The following PCCA variants were observed in gnomAD, a reference collection of about 807,000 sequenced individuals.
The protein encoded by PCCA is propionyl-CoA carboxylase alpha chain, mitochondrial.
Under a neutral mutation model 101.3 loss-of-function variants are expected in PCCA, and 74 were observed. The ratio of observed to expected loss-of-function variants is 0.73; its 90% CI spans 0.61 to 0.89. The LOEUF (loss-of-function observed/expected upper bound fraction) is 0.89. Among genes scored for constraint, PCCA ranks in the 40% least tolerant of loss-of-function variants. The pLI, the probability that PCCA is intolerant of heterozygous loss-of-function variation, is 0.00. For synonymous variants in PCCA, 294 were observed against 313.6 expected (o/e 0.94, Z 0.66); for missense variants, 891 against 907.0 (o/e 0.98, Z 0.23).
At chr13:100,303,145 T>G (rs554768942) in intron 14 of PCCA, 147 bp downstream of exon 14, 17 of 705,618 alleles carry the variant, frequency 2.4e-5, no homozygotes, top group African/African-American at 2.3e-4. Context: ...TGAAAACAAA[T>G]TTTTTTCAGT....
At chr13:100,224,319 C>T (rs1248451857) in intron 7 of PCCA, among the ~76,000 whole-genome samples, 1 of 152,234 alleles carries the variant, frequency 6.6e-6, no homozygotes, top group Admixed American at 6.5e-5. Flanking sequence ...TGCCCGGGGC[C>T]GGCAGGGCCA....
chr13:100,503,211 C>A (rs2085808360), intron 21 of PCCA, among the ~76,000 whole-genome samples: 1 of 152,238 alleles, frequency 6.6e-6, no homozygotes, highest in Non-Finnish European at 1.5e-5. Flanking sequence ...TTCTTTCTGG[C>A]CGGGCGCAGT....
At chr13:100,526,773 T>G (rs922875896) in intron 22 of PCCA, among the ~76,000 whole-genome samples, 13 of 152,372 alleles carry the variant, frequency 8.5e-5, no homozygotes, top group Admixed American at 6.5e-4. Flanking sequence ...AGCATGGTTT[T>G]CAGCTGCAGC....
intron 17 of PCCA, among the ~76,000 whole-genome samples, chr13:100,335,965 T>C (rs934309755): frequency 3.5e-4 from 53 of 152,096 alleles, no homozygotes; most frequent in African/African-American, 1.2e-3. Flanking sequence ...ATCTGCATTA[T>C]TTAATACAAC....
chr13:100,154,999 T>G lies in PCCA; in HGVS notation c.321T>G (p.Asp107Glu). ...DASSVHVKMA[D>E]EAVCVGPAPT... The stretch of plus-strand genomic sequence containing the variant: ...CTCAGGTTCATGTGAAAATGGCGGA[T>G]GAGGCTGTCTGTGTTGGCCCAGCTC... The change falls in exon 5 of 24, where the codon GAT becomes GAG. Residue 107 changes from aspartate (D) to glutamate (E), a missense_variant. Transcript: ENST00000376285. 1.2e-6 allele frequency: 2 copies of G among 1,613,928 alleles called. No individual in the cohort carries two copies. The highest frequency in any genetic ancestry group is 1.7e-6 in the Non-Finnish European group (2 of 1,179,810).
chr13:100,400,627 G>GTTTTTTTTT lies in PCCA; in HGVS notation c.1747-25004_1747-25003insTTTTTTTTT, dbSNP rs763331038. Among the ~76,000 whole-genome samples the GTTTTTTTTT allele has an allele frequency of 3.5e-3, 278 of 80,076 alleles. 22 individuals carry two copies. The highest frequency in any genetic ancestry group is 8.4e-3 in the East Asian group (24 of 2,844). 52.5% of individuals were successfully genotyped at this position (80,076 alleles called of 152,430 possible). A position where few individuals can be genotyped will look rare whatever the true frequency, so the allele number is the denominator to read the frequency against. ...TGATGATTGATCTTAGTTCTTTTTA[G>GTTTTTTTTT]TTCTTTTTTTTTTTTTTTTTGAGAG... On this transcript the variant is annotated intron_variant, in intron 19 of 23. Transcript: ENST00000376285.
rs1566975623 is a variant in PCCA at position 100,348,733 on chromosome 13, TTTCTTTC to T, written c.1643+8477_1643+8483del. On this transcript the variant is annotated intron_variant, in intron 18 of 23. Coordinates refer to ENST00000376285, the MANE Select transcript of PCCA (RefSeq NM_000282.4). Reference sequence around the variant, plus strand: ...TTTACTTTCCGTTTTTTTTCCTTTCTTTCTTTCTTTCTTTCTTTCTTTCTTTCTTTCT... The same window carrying T: ...TTTACTTTCCGTTTTTTTTCCTTTCTTTTCTTTCTTTCTTTCTTTCTTTCT... 4.4e-3 allele frequency among the ~76,000 whole-genome samples: 342 copies of T among 77,068 alleles called. 23 individuals carry two copies. The highest frequency in any genetic ancestry group is 0.012 in the Middle Eastern group (2 of 168). The allele number at this position is 77,068 out of a possible 152,430, so 50.6% of individuals were successfully genotyped here.
rs377383520 is a variant in PCCA at position 100,436,990 on chromosome 13, A to G, written c.1845+11259A>G. ...TGCCCACAGAGGCGCTTTGCTCACC[A>G]AGCATGGTTCTTTCCTGTTGGCCTC... On this transcript the variant is annotated intron_variant, in intron 20 of 23. Coordinates refer to ENST00000376285, the MANE Select transcript of PCCA (RefSeq NM_000282.4). Among the ~76,000 whole-genome samples the G allele has an allele frequency of 3.9e-5, 6 of 152,224 alleles. No homozygotes were observed. In the East Asian group the frequency reaches 5.8e-4, roughly 15 times the overall value.
rs200311920 is a variant in PCCA at position 100,273,227 on chromosome 13, A to G, written c.946A>G (p.Met316Val). Residue 316 changes from methionine (M) to valine (V), a missense_variant, in exon 12 of 24, where the codon ATG (methionine) becomes GTG (valine). Transcript: ENST00000376285. ...TTTGGATGCGGAGACTCGAAGAGCG[A>G]TGGGAGAACAAGCTGTAGCTCTTGC... ...IFLDAETRRA[M>V]GEQAVALARA... 3 of 1,613,080 alleles carry G rather than the reference A, an allele frequency of 1.9e-6. No individual in the cohort carries two copies. Among genetic ancestry groups the G allele is most frequent in the Admixed American group, 3.3e-5 (2 of 60,020 alleles).
At position 100,508,715 on chromosome 13, in the gene PCCA, G is replaced by T. The variant is rs142150669; in HGVS notation, c.1900-6712G>T. The stretch of plus-strand genomic sequence containing the variant: ...TGGCTGCAGGCTGTAAGGCTCTAGT[G>T]TAAAAAGGTCTAAACAAGTGATTAA... On this transcript the variant is annotated intron_variant, in intron 21 of 23. Coordinates refer to ENST00000376285, the MANE Select transcript of PCCA (RefSeq NM_000282.4). Among the ~76,000 whole-genome samples, 908 of 152,298 alleles carry T rather than the reference G, an allele frequency of 6.0e-3. 4 individuals are homozygous for T. Among genetic ancestry groups the T allele is most frequent in the African/African-American group, 0.02 (847 of 41,564 alleles).
intron 1 of PCCA, among the ~76,000 whole-genome samples, chr13:100,094,609 G>T (rs2046598583): frequency 6.6e-6 from 1 of 152,078 alleles, no homozygotes; most frequent in Non-Finnish European, 1.5e-5. Flanking sequence ...GTTTGTTTTT[G>T]AGATAGAGTC....
chr13:100,279,490 T>A (rs940096969), intron 12 of PCCA, among the ~76,000 whole-genome samples: 5 of 152,162 alleles, frequency 3.3e-5, no homozygotes, highest in Non-Finnish European at 7.4e-5. Context: ...AATTTGTTTT[T>A]TTTTGAGACG....
chr13:100,431,953 G>A (rs1329958918), intron 20 of PCCA, among the ~76,000 whole-genome samples: 1 of 152,066 alleles, frequency 6.6e-6, no homozygotes. Flanking sequence ...ACTTTGGGAG[G>A]CCGAGGCGGG....
At chr13:100,100,099 C>T (rs1287658799) in intron 1 of PCCA, among the ~76,000 whole-genome samples, 2 of 152,084 alleles carry the variant, frequency 1.3e-5, no homozygotes, top group African/African-American at 4.8e-5. Context: ...TCATTTGATC[C>T]TTTTAATAAC....
chr13:100,497,041 C>A (rs2085327111), intron 21 of PCCA, among the ~76,000 whole-genome samples: 1 of 152,208 alleles, frequency 6.6e-6, no homozygotes, highest in South Asian at 2.1e-4. Context: ...AAAGGCTGTG[C>A]TCCTTGTTCC....
intron 6 of PCCA, among the ~76,000 whole-genome samples, chr13:100,191,254 A>T (rs2057721908): frequency 6.6e-6 from 1 of 152,220 alleles, no homozygotes; most frequent in African/African-American, 2.4e-5. Context: ...TTGTGATTTC[A>T]TAAGCTTCTT....
intron 9 of PCCA, among the ~76,000 whole-genome samples, chr13:100,260,348 C>T (rs2062400691): frequency 6.6e-6 from 1 of 150,430 alleles, no homozygotes; most frequent in South Asian, 2.1e-4. Flanking sequence ...TCAGTTTTAC[C>T]TGCAGTGTTG....
chr13:100,515,986 G>A (rs2086808172), intron 22 of PCCA, among the ~76,000 whole-genome samples: 3 of 152,218 alleles, frequency 2.0e-5, no homozygotes, highest in Non-Finnish European at 4.4e-5. Context: ...GAAGAGTTGA[G>A]GAAAGGTTAA....
At chr13:100,506,718 T>C (rs1460259371) in intron 21 of PCCA, among the ~76,000 whole-genome samples, 2 of 152,042 alleles carry the variant, frequency 1.3e-5, no homozygotes, top group Non-Finnish European at 2.9e-5. Flanking sequence ...TCCCCAAAGG[T>C]CATTCATTCT....
Sources: allele counts gnomAD v4.1 joint callset (sites outside exome capture counted in the v4.1 genomes callset), GRCh38; gene constraint gnomAD v4.1.1; transcripts MANE v1.5; gene names NCBI Gene and HGNC (gene_info 2026-07-23, HGNC 2026-07-21).